The following EPHA6 variants were observed in gnomAD, a reference collection of about 807,000 sequenced individuals.
The protein encoded by EPHA6 is ephrin type-A receptor 6.
A neutral mutation model predicts 112.0 loss-of-function variants in EPHA6; 50 were observed. That is an observed-to-expected ratio of 0.45 (90% CI 0.36 to 0.56). The LOEUF (loss-of-function observed/expected upper bound fraction) is 0.56. Among genes scored for constraint, EPHA6 ranks in the 20% least tolerant of loss-of-function variants. The pLI, the probability that EPHA6 is intolerant of heterozygous loss-of-function variation, is 0.00. For synonymous variants in EPHA6, 529 were observed against 490.7 expected, an observed-to-expected ratio of 1.08 and a Z score of -1.03; for missense variants, 1,280 against 1,417.4, an observed-to-expected ratio of 0.90 and a Z score of 1.56.
chr3:97,487,706 T>A (rs2091731093), intron 10 of EPHA6, among the ~76,000 whole-genome samples: 1 of 152,216 alleles, frequency 6.6e-6, no homozygotes, highest in Non-Finnish European at 1.5e-5. Flanking sequence ...CTGTTCTATT[T>A]AATACTGGCA....
intron 10 of EPHA6, among the ~76,000 whole-genome samples, chr3:97,500,445 A>G (rs1577589011): frequency 6.6e-6 from 1 of 152,162 alleles, no homozygotes; most frequent in Admixed American, 6.5e-5. Context: ...GGAGAGGAGC[A>G]AAATAGAGAG....
At chr3:97,458,082 A>AG in intron 7 of EPHA6, among the ~76,000 whole-genome samples, 1 of 150,314 alleles carries the variant, frequency 6.7e-6, no homozygotes, top group African/African-American at 2.4e-5. Flanking sequence ...AAAAAAAAAA[A>AG]AAAAAAAAAA....
At chr3:97,367,101 T>A (rs915603633) in intron 5 of EPHA6, among the ~76,000 whole-genome samples, 1 of 152,290 alleles carries the variant, frequency 6.6e-6, no homozygotes. Flanking sequence ...ACTCAGTGTG[T>A]CTTACTCCAG....
chr3:96,828,724 T>C (rs148957741), intron 1 of EPHA6, among the ~76,000 whole-genome samples: 1,798 of 152,226 alleles, frequency 0.012, 16 homozygotes, highest in Non-Finnish European at 0.019. Context: ...TCAACACTGT[T>C]CCATTCCCAA....
At chr3:96,982,724 G>A (rs1576243330) in intron 2 of EPHA6, among the ~76,000 whole-genome samples, 1 of 151,832 alleles carries the variant, frequency 6.6e-6, no homozygotes, top group Non-Finnish European at 1.5e-5. Context: ...CTTGCTTTAT[G>A]AATCTGTGTG....
chr3:97,649,714 CTAT>C (rs2094093867), intron 14 of EPHA6, among the ~76,000 whole-genome samples: 1 of 151,744 alleles, frequency 6.6e-6, no homozygotes, highest in South Asian at 2.1e-4. Context: ...CCAAATTCAT[CTAT>C]TAAGAAAAGA....
At chr3:97,128,301 A>C (rs1054172217) in intron 3 of EPHA6, among the ~76,000 whole-genome samples, 11 of 152,188 alleles carry the variant, frequency 7.2e-5, no homozygotes, top group Non-Finnish European at 1.3e-4. Flanking sequence ...CTTGTAAATT[A>C]TGTTGTTATA....
intron 5 of EPHA6, among the ~76,000 whole-genome samples, chr3:97,288,275 C>A (rs905152713): frequency 1.3e-5 from 2 of 152,042 alleles, no homozygotes; most frequent in African/African-American, 4.8e-5. Context: ...TCCTTTGTTG[C>A]CATCTTTATG....
chr3:97,524,739 T>C (rs2092594648), intron 10 of EPHA6, among the ~76,000 whole-genome samples: 1 of 152,162 alleles, frequency 6.6e-6, no homozygotes, highest in Non-Finnish European at 1.5e-5. Context: ...AGGACTGTGT[T>C]GCTGGGTGTA....
At chr3:97,136,818 TTAAA>T (rs1176045345) in intron 3 of EPHA6, among the ~76,000 whole-genome samples, 1 of 152,260 alleles carries the variant, frequency 6.6e-6, no homozygotes, top group Admixed American at 6.5e-5. Flanking sequence ...AGTGTGATGG[TTAAA>T]TAAAGATACC....
chr3:96,847,045 C>T (rs959681212), intron 1 of EPHA6, among the ~76,000 whole-genome samples: 5 of 151,994 alleles, frequency 3.3e-5, no homozygotes, highest in Non-Finnish European at 5.9e-5. Flanking sequence ...TGGACCCCAG[C>T]CTTGGCGCCT....
At chr3:97,482,795 A>G (rs1393051156) in intron 9 of EPHA6, among the ~76,000 whole-genome samples, 1 of 152,262 alleles carries the variant, frequency 6.6e-6, no homozygotes, top group African/African-American at 2.4e-5. Flanking sequence ...ACCAAATACC[A>G]TCCACTCTGC....
chr3:96,859,059 T>G (rs138840295), intron 1 of EPHA6, among the ~76,000 whole-genome samples: 14 of 152,210 alleles, frequency 9.2e-5, no homozygotes, highest in African/African-American at 3.1e-4. Context: ...GCTTTTCCAA[T>G]AGTTGGTTAA....
chr3:97,247,312 A>G (rs1369907424), intron 5 of EPHA6, among the ~76,000 whole-genome samples: 1 of 152,006 alleles, frequency 6.6e-6, no homozygotes, highest in East Asian at 1.9e-4. Context: ...TTTTTAGTGT[A>G]TTCCTTGTGT....
intron 14 of EPHA6, among the ~76,000 whole-genome samples, chr3:97,717,666 C>T (rs1458513878): frequency 2.0e-5 from 3 of 152,146 alleles, no homozygotes; most frequent in Non-Finnish European, 4.4e-5. Context: ...AAGACCCTAT[C>T]TCAAAATATA....
At chr3:97,243,646 T>A (rs578017071) in intron 4 of EPHA6, among the ~76,000 whole-genome samples, 2 of 152,042 alleles carry the variant, frequency 1.3e-5, no homozygotes, top group Admixed American at 1.3e-4. Flanking sequence ...AAATAATTTT[T>A]GTTATATATT....
chr3:97,444,465 G>A (rs1407867957), intron 6 of EPHA6, among the ~76,000 whole-genome samples: 2 of 152,062 alleles, frequency 1.3e-5, no homozygotes, highest in African/African-American at 4.8e-5. Flanking sequence ...TGAATTGCTA[G>A]GTAGAACGTT....
chr3:97,605,917 T>C (rs1249813300), intron 12 of EPHA6, among the ~76,000 whole-genome samples: 3 of 151,576 alleles, frequency 2.0e-5, no homozygotes, highest in African/African-American at 7.2e-5. Context: ...TCTGATTTAT[T>C]TCAGCAGTGT....
At chr3:97,157,064 A>G (rs2076305248) in intron 3 of EPHA6, among the ~76,000 whole-genome samples, 1 of 152,112 alleles carries the variant, frequency 6.6e-6, no homozygotes, top group Non-Finnish European at 1.5e-5. Context: ...AAAGTCATAT[A>G]TCTGTTGTAG....
Sources: gnomAD v4.1 joint callset for allele counts (sites outside exome capture counted in the v4.1 genomes callset) on GRCh38, gnomAD v4.1.1 for gene constraint, MANE v1.5 for transcripts, NCBI Gene and HGNC (gene_info 2026-07-23, HGNC 2026-07-21) for gene names.